TAPT1: variants seen among roughly 807,000 people sequenced by gnomAD.
TAPT1 encodes the protein transmembrane anterior posterior transformation 1.
In TAPT1, 28 loss-of-function variants were observed where a neutral mutation model predicts 65.6. That is an observed-to-expected ratio of 0.43 (90% CI 0.32 to 0.59). The LOEUF (loss-of-function observed/expected upper bound fraction) is 0.59. Among genes scored for constraint, TAPT1 ranks in the 20% least tolerant of loss-of-function variants. The probability of loss-of-function intolerance (pLI) is 0.09; values close to 1 mark genes in which losing one functional copy is unlikely to be tolerated. For missense variants in TAPT1, 563 were observed against 679.9 expected, an observed-to-expected ratio of 0.83 and a Z score of 1.91; for synonymous variants, 278 against 245.2, an observed-to-expected ratio of 1.13 and a Z score of -1.25.
intron 7 of TAPT1, among the ~76,000 whole-genome samples, chr4:16,180,473 T>C (rs577968670): frequency 5.9e-5 from 9 of 152,216 alleles, no homozygotes; most frequent in Admixed American, 3.3e-4. Flanking sequence ...TAACAACCCA[T>C]CTCAAAAGCT....
chr4:16,165,015 T>C (rs1195703891), intron 13 of TAPT1, among the ~76,000 whole-genome samples: 1 of 152,184 alleles, frequency 6.6e-6, no homozygotes, highest in Admixed American at 6.5e-5. Flanking sequence ...ATTGAGCTGC[T>C]AGTTCTCCAG....
intron 1 of TAPT1, among the ~76,000 whole-genome samples, chr4:16,218,521 A>G (rs1751072417): frequency 1.3e-5 from 2 of 152,238 alleles, no homozygotes; most frequent in Non-Finnish European, 2.9e-5. Context: ...AGAGCATGGG[A>G]TTAGCAACCA....
chr4:16,182,798 T>C (rs1238351907), intron 7 of TAPT1: 2 of 152,212 alleles, frequency 1.3e-5, no homozygotes, highest in East Asian at 3.9e-4. Context: ...AAAGGATAAT[T>C]TGTTAAAAAT....
At chr4:16,216,923 C>A (rs1272678240) in intron 1 of TAPT1, among the ~76,000 whole-genome samples, 1 of 152,190 alleles carries the variant, frequency 6.6e-6, no homozygotes, top group East Asian at 1.9e-4. Flanking sequence ...TGCGGGCCAT[C>A]CCAGAACCTC....
intron 2 of TAPT1, among the ~76,000 whole-genome samples, chr4:16,212,398 C>G (rs1750693919): frequency 6.6e-6 from 1 of 152,242 alleles, no homozygotes; most frequent in African/African-American, 2.4e-5. Flanking sequence ...TGGCTTATTG[C>G]TGGAAGAAAG....
At chr4:16,188,618 AT>A (rs1229842895) in intron 4 of TAPT1, among the ~76,000 whole-genome samples, 1 of 152,186 alleles carries the variant, frequency 6.6e-6, no homozygotes, top group Non-Finnish European at 1.5e-5. Flanking sequence ...AGTGGCAAAA[AT>A]AAAAGGGGTG....
rs1168314301 is a variant in TAPT1 at position 16,162,668 on chromosome 4, CATTA to C, written c.*636_*639del. ...ATTTTTCCCAGTAATGCATAGCCTT[CATTA>C]ATTATTTTTTTAATAAATAAACTAG... On this transcript the variant is annotated 3_prime_UTR_variant, in exon 14 of 14. Coordinates refer to ENST00000405303, the MANE Select transcript of TAPT1 (RefSeq NM_153365.3). 2 of 144,292 alleles carry C rather than the reference CATTA, an allele frequency of 1.4e-5. No individual in the cohort carries two copies. Among genetic ancestry groups the C allele is most frequent in the East Asian group, 1.9e-4 (1 of 5,150 alleles). The allele number at this position is 144,292 out of a possible 1,614,324, so 8.9% of individuals were successfully genotyped here.
At chr4:16,179,310 C>T (rs1041295441) in intron 8 of TAPT1, 1 of 323,138 alleles carries the variant, frequency 3.1e-6, no homozygotes, top group African/African-American at 2.2e-5. Flanking sequence ...TGTATCTAAA[C>T]ATGTCTAAAC....
intron 13 of TAPT1, among the ~76,000 whole-genome samples, chr4:16,166,232 G>C (rs1747609760): frequency 2.0e-5 from 3 of 152,220 alleles, no homozygotes; most frequent in Non-Finnish European, 2.9e-5. Context: ...ACTTGGGGGA[G>C]GGCCCAACTC....
chr4:16,202,771 G>T (rs11931356), intron 2 of TAPT1, among the ~76,000 whole-genome samples, 191 bp from the exon 3 acceptor site: 2 of 152,012 alleles, frequency 1.3e-5, no homozygotes, highest in Admixed American at 1.3e-4. Context: ...TTTGGTTTAC[G>T]ACTCACAAAA....
chr4:16,219,834 T>C (rs1198288480), intron 1 of TAPT1, among the ~76,000 whole-genome samples: 3 of 152,338 alleles, frequency 2.0e-5, no homozygotes, highest in Admixed American at 6.5e-5. Context: ...TCCAAAGTCA[T>C]TGAAAAGCTA....
intron 7 of TAPT1, among the ~76,000 whole-genome samples, chr4:16,180,811 T>C (rs1748668891): frequency 6.6e-6 from 1 of 152,202 alleles, no homozygotes; most frequent in South Asian, 2.1e-4. Flanking sequence ...CACCTCCTTA[T>C]TAGTGATGGG....
At chr4:16,185,142 G>T (rs1748931511) in intron 7 of TAPT1, among the ~76,000 whole-genome samples, 1 of 151,838 alleles carries the variant, frequency 6.6e-6, no homozygotes. Context: ...TTCTTGGGCA[G>T]GGAAGGGGCC....
chr4:16,191,790 T>G (rs1357068596), intron 3 of TAPT1, among the ~76,000 whole-genome samples: 2 of 152,254 alleles, frequency 1.3e-5, no homozygotes, highest in Admixed American at 1.3e-4. Flanking sequence ...GGCAGGTATC[T>G]ACTGATAGGG....
intron 5 of TAPT1, 41 bp downstream of exon 5, chr4:16,188,179 G>A: frequency 6.4e-7 from 1 of 1,550,588 alleles, no homozygotes; most frequent in Non-Finnish European, 8.7e-7. Context: ...GGTAGACTAT[G>A]CATTAACTGT....
intron 3 of TAPT1, chr4:16,196,846 T>C (rs953212200): frequency 4.5e-5 from 21 of 468,648 alleles, no homozygotes; most frequent in Admixed American, 1.2e-4. Flanking sequence ...AACAAATATA[T>C]TGCTCTCAAC....
intron 11 of TAPT1, among the ~76,000 whole-genome samples, chr4:16,172,822 T>C (rs1189659216): frequency 2.0e-5 from 3 of 151,200 alleles, no homozygotes; most frequent in Admixed American, 1.3e-4. Flanking sequence ...TTTTGTTTTG[T>C]TTTTGTTGTT....
intron 8 of TAPT1, chr4:16,176,667 G>C (rs550510907): frequency 6.5e-6 from 1 of 152,866 alleles, no homozygotes; most frequent in South Asian, 2.1e-4. Context: ...CTGCACTGCA[G>C]CCTGGGCGAA....
chr4:16,213,793 A>AAACAAGTGTAT lies in TAPT1; in HGVS notation c.294_304dup (p.Leu102TyrfsTer14), dbSNP rs1750775510. The AAACAAGTGTAT allele has an allele frequency of 6.3e-7, 1 of 1,575,674 alleles. No individual in the cohort carries two copies. On this transcript the variant is annotated frameshift_variant, in exon 2 of 14. Transcript: ENST00000405303. LOFTEE classifies it high-confidence loss of function. ...CTTTTCCAATTCTCTTGGTATTCGC[A>AAACAAGTGTAT]AACAAGTGTATACTCTTTCTCTTCT... is the stretch of plus-strand genomic sequence containing the variant.
Sources: allele counts gnomAD v4.1 joint callset (sites outside exome capture counted in the v4.1 genomes callset), GRCh38; gene constraint gnomAD v4.1.1; transcripts MANE v1.5; gene names NCBI Gene and HGNC (gene_info 2026-07-23, HGNC 2026-07-21).